The following PIP5K1B variants were observed in gnomAD, a reference collection of about 807,000 sequenced individuals.
PIP5K1B encodes phosphatidylinositol-4-phosphate 5-kinase type 1 beta, also known as phosphatidylinositol 4-phosphate 5-kinase type-1 beta.
Under a neutral mutation model 67.0 loss-of-function variants are expected in PIP5K1B, and 42 were observed. That is an observed-to-expected ratio of 0.63 (90% confidence interval 0.49 to 0.81). The LOEUF is 0.81. PIP5K1B is among the 30% of genes least tolerant of loss of function. The pLI is 0.00. For missense variants in PIP5K1B, 459 were observed against 646.3 expected, an observed-to-expected ratio of 0.71 and a Z score of 3.14; for synonymous variants, 214 against 231.4, an observed-to-expected ratio of 0.92 and a Z score of 0.68.
At chr9:68,749,938 C>G (rs1024809549) in intron 2 of PIP5K1B, among the ~76,000 whole-genome samples, 1 of 152,218 alleles carries the variant, frequency 6.6e-6, no homozygotes, top group Non-Finnish European at 1.5e-5. Context: ...AGCTCCATCA[C>G]TAAGTAGCTG....
At chr9:68,856,553 C>G (rs1822788843) in intron 4 of PIP5K1B, among the ~76,000 whole-genome samples, 1 of 152,210 alleles carries the variant, frequency 6.6e-6, no homozygotes, top group African/African-American at 2.4e-5. Flanking sequence ...GCTGTTCTTT[C>G]TGTCACTGAC....
At chr9:68,719,216 A>G (rs1207426349) in intron 1 of PIP5K1B, among the ~76,000 whole-genome samples, 1 of 152,134 alleles carries the variant, frequency 6.6e-6, no homozygotes, top group African/African-American at 2.4e-5. Flanking sequence ...TGTTTACTAT[A>G]TTATGGTCTA....
chr9:68,843,983 G>C (rs1254320619), intron 4 of PIP5K1B, among the ~76,000 whole-genome samples: 1 of 152,190 alleles, frequency 6.6e-6, no homozygotes, highest in Non-Finnish European at 1.5e-5. Context: ...CAGAATACTG[G>C]AGGTGAAGAT....
intron 2 of PIP5K1B, among the ~76,000 whole-genome samples, chr9:68,743,807 T>TTAA (rs1829136248): frequency 6.6e-6 from 1 of 152,102 alleles, no homozygotes; most frequent in Non-Finnish European, 1.5e-5. Context: ...ATGGGTGGAG[T>TTAA]TAAAGAGGCC....
chr9:68,855,713 G>A (rs559974551), intron 4 of PIP5K1B, among the ~76,000 whole-genome samples: 33 of 152,230 alleles, frequency 2.2e-4, no homozygotes, highest in African/African-American at 6.3e-4. Flanking sequence ...TAAGCCATCA[G>A]TATCTCTATA....
Position 68,846,759 on chromosome 9 carries a change from TA to T in PIP5K1B, c.70-17076del, listed in dbSNP as rs371608107. On this transcript the variant is annotated intron_variant, in intron 4 of 15. Coordinates refer to ENST00000265382, the MANE Select transcript of PIP5K1B (RefSeq NM_003558.4). ...ATGTTATTTATTCCTCTAACATAGA[TA>T]ATGACATCTGTGATATAATACATGT... Among the ~76,000 whole-genome samples the T allele has an allele frequency of 2.0e-4, 31 of 152,342 alleles. No individual in the cohort carries two copies. The South Asian group carries it at 6.2e-3, about 31-fold the overall frequency.
intron 9 of PIP5K1B, among the ~76,000 whole-genome samples, chr9:68,918,228 T>G (rs917351503): frequency 6.6e-6 from 1 of 151,994 alleles, no homozygotes; most frequent in Non-Finnish European, 1.5e-5. Context: ...TAGCTGGAAT[T>G]ACAAACATGC....
At chr9:68,943,106 C>A (rs1827641892) in intron 14 of PIP5K1B, among the ~76,000 whole-genome samples, 1 of 152,214 alleles carries the variant, frequency 6.6e-6, no homozygotes, top group Non-Finnish European at 1.5e-5. Flanking sequence ...CCTTTAAAAA[C>A]CAAACAACTT....
chr9:68,972,916 A>G (rs1829457030), intron 14 of PIP5K1B, among the ~76,000 whole-genome samples: 1 of 152,250 alleles, frequency 6.6e-6, no homozygotes, highest in African/African-American at 2.4e-5. Flanking sequence ...GGGTAAATTC[A>G]GGCACCTCCA....
At chr9:68,989,213 T>C (rs957496165) in intron 14 of PIP5K1B, among the ~76,000 whole-genome samples, 1 of 151,808 alleles carries the variant, frequency 6.6e-6, no homozygotes, top group Non-Finnish European at 1.5e-5. Flanking sequence ...GGTAAATATG[T>C]ACAAAGACAG....
chr9:68,800,969 C>T (rs1354357376), intron 2 of PIP5K1B, among the ~76,000 whole-genome samples: 1 of 152,302 alleles, frequency 6.6e-6, no homozygotes. Flanking sequence ...ATAGAAATCC[C>T]AGATAGGAAA....
intron 14 of PIP5K1B, among the ~76,000 whole-genome samples, chr9:68,989,219 G>C (rs1830250568): frequency 6.7e-6 from 1 of 148,864 alleles, no homozygotes; most frequent in Non-Finnish European, 1.5e-5. Context: ...TATGTACAAA[G>C]ACAGGATTAT....
At chr9:68,719,982 A>G (rs1827810097) in intron 1 of PIP5K1B, among the ~76,000 whole-genome samples, 1 of 152,132 alleles carries the variant, frequency 6.6e-6, no homozygotes, top group African/African-American at 2.4e-5. Flanking sequence ...CTGACCTTAC[A>G]TTTTTGTTTG....
chr9:68,791,723 A>G (rs139474051), intron 2 of PIP5K1B, among the ~76,000 whole-genome samples: 74 of 152,330 alleles, frequency 4.9e-4, no homozygotes, highest in African/African-American at 1.7e-3. Flanking sequence ...GTCTTTCTCA[A>G]GGCCCCGTTT....
intron 2 of PIP5K1B, among the ~76,000 whole-genome samples, chr9:68,807,520 T>C (rs1157846481): frequency 6.6e-6 from 1 of 152,184 alleles, no homozygotes; most frequent in African/African-American, 2.4e-5. Context: ...CCCAGACACC[T>C]GGCAGGGTAA....
At chr9:68,855,464 A>T (rs1822719996) in intron 4 of PIP5K1B, among the ~76,000 whole-genome samples, 1 of 152,188 alleles carries the variant, frequency 6.6e-6, no homozygotes, top group Non-Finnish European at 1.5e-5. Context: ...CTCCAGTTGG[A>T]TGTCTCATTA....
chr9:68,779,893 G>C, intron 2 of PIP5K1B: 2 of 432,020 alleles, frequency 4.6e-6, no homozygotes, highest in Admixed American at 4.1e-5. Flanking sequence ...ACGCGAGCTT[G>C]CGCTCAATAG....
chr9:68,926,244 C>A (rs1479103487), intron 12 of PIP5K1B, among the ~76,000 whole-genome samples: 1 of 152,082 alleles, frequency 6.6e-6, no homozygotes, highest in African/African-American at 2.4e-5. Flanking sequence ...TTAGGAGACT[C>A]CCCATCTTGG....
At chr9:68,787,554 TCTC>T (rs1191748755) in intron 2 of PIP5K1B, among the ~76,000 whole-genome samples, 7 of 152,182 alleles carry the variant, frequency 4.6e-5, no homozygotes, top group Non-Finnish European at 1.0e-4. Context: ...TCCTCCTCCT[TCTC>T]CTGCATAGAT....
Sources: allele counts gnomAD v4.1 joint callset (sites outside exome capture counted in the v4.1 genomes callset), GRCh38; gene constraint gnomAD v4.1.1; transcripts MANE v1.5; gene names NCBI Gene and HGNC (gene_info 2026-07-23, HGNC 2026-07-21).